The following CELF4 variants were observed in gnomAD, a reference collection of about 807,000 sequenced individuals.
CELF4 encodes CUGBP Elav-like family member 4.
A neutral mutation model predicts 59.9 loss-of-function variants in CELF4; 18 were observed. The observed-to-expected ratio is 0.30, with a 90% confidence interval of 0.21 to 0.45. CELF4 has a LOEUF of 0.45. CELF4 is among the 20% of genes least tolerant of loss of function. The probability of loss-of-function intolerance (pLI) is 1.00; values close to 1 mark genes in which losing one functional copy is unlikely to be tolerated. For missense variants in CELF4, 456 were observed against 689.0 expected (o/e 0.66, Z 3.79); for synonymous variants, 261 against 267.1 (o/e 0.98, Z 0.22).
intron 12 of CELF4, among the ~76,000 whole-genome samples, chr18:37,252,322 G>A (rs1397597093): frequency 1.3e-5 from 2 of 152,066 alleles, no homozygotes; most frequent in South Asian, 2.1e-4. Context: ...ATCAACTGCT[G>A]TGACACTGGA....
In CELF4 at chr18:37,485,531, C is replaced by A. The variant is rs574607659; in HGVS notation, c.363G>T (p.Leu121=). Reference sequence around the variant, plus strand: ...CACGGCGGGCGCCACTTACCCCGGGCAGAGTCTTCTGCTCGTGCAGCGCGC... The same window carrying A: ...CACGGCGGGCGCCACTTACCCCGGGAAGAGTCTTCTGCTCGTGCAGCGCGC... ...AQSALHEQKT[L]PGMNRPIQVK... Residue 121 remains leucine, a synonymous_variant, in exon 2 of 13, where the codon CTG becomes CTT. Transcript: ENST00000420428. 1.1e-4 allele frequency: 147 copies of A among 1,391,136 alleles called. No individual in the cohort carries two copies. In the African/African-American group the frequency reaches 1.7e-3, roughly 16 times the overall value. The allele number at this position is 1,391,136 out of a possible 1,614,324, so 86.2% of individuals were successfully genotyped here.
chr18:37,397,044 C>T (rs1213069248), intron 2 of CELF4, among the ~76,000 whole-genome samples: 1 of 152,120 alleles, frequency 6.6e-6, no homozygotes, highest in African/African-American at 2.4e-5. Flanking sequence ...CACTGGGCCT[C>T]CAGAGCCCAG....
intron 2 of CELF4, among the ~76,000 whole-genome samples, chr18:37,429,308 C>A (rs2099633587): frequency 6.6e-6 from 1 of 151,194 alleles, no homozygotes. Flanking sequence ...ATGTGTAAGT[C>A]TGTGTGTGTG....
At chr18:37,285,866 C>T (rs2094696744) in intron 3 of CELF4, among the ~76,000 whole-genome samples, 1 of 152,174 alleles carries the variant, frequency 6.6e-6, no homozygotes, top group South Asian at 2.1e-4. Flanking sequence ...AGGCGCACGG[C>T]ACACGATAGA....
At chr18:37,341,518 G>A (rs1456995490) in intron 2 of CELF4, among the ~76,000 whole-genome samples, 1 of 152,248 alleles carries the variant, frequency 6.6e-6, no homozygotes, top group East Asian at 1.9e-4. Context: ...GGCAGTGAGT[G>A]GAGGGCATAA....
chr18:37,423,744 G>T (rs972503876), intron 2 of CELF4, among the ~76,000 whole-genome samples: 1 of 152,004 alleles, frequency 6.6e-6, no homozygotes. Flanking sequence ...GCCTCCCTAG[G>T]CTCCCTCTCC....
Position 37,292,543 on chromosome 18 carries a change from G to A in CELF4, c.449-17300C>T, listed in dbSNP as rs915932153. Among the ~76,000 whole-genome samples the A allele has an allele frequency of 2.6e-5, 4 of 152,298 alleles. 1 individual carries two copies. The highest frequency in any genetic ancestry group is 4.2e-4 in the South Asian group (2 of 4,818). ...CTGCCTGGCTTTTCTCCCTGACACC[G>A]GAAGTGACGCGGGCAGGCCAGGTAC... is the stretch of plus-strand genomic sequence containing the variant. On this transcript the variant is annotated intron_variant, in intron 3 of 12. Coordinates refer to ENST00000420428, the MANE Select transcript of CELF4 (RefSeq NM_020180.4).
In CELF4 at chr18:37,383,492, C is replaced by T. The variant is rs2099065390; in HGVS notation, c.370-61611G>A. 3.3e-5 allele frequency among the ~76,000 whole-genome samples: 5 copies of T among 152,222 alleles called. No individual in the cohort carries two copies. In the South Asian group the frequency reaches 1.0e-3, roughly 32 times the overall value. On this transcript the variant is annotated intron_variant, in intron 2 of 12. Transcript: ENST00000420428. ...AAATGAAAGTTTAAAAGTTTTGATG[C>T]TTGAAGGAGGCAATCCTCAGCCAGC...
chr18:37,505,050 G>A (rs1191609466), intron 1 of CELF4, among the ~76,000 whole-genome samples: 1 of 151,904 alleles, frequency 6.6e-6, no homozygotes, highest in African/African-American at 2.4e-5. Flanking sequence ...CTGAGACTGA[G>A]AAAGGCAGGA....
chr18:37,248,573 C>T (rs2063492069), intron 12 of CELF4, among the ~76,000 whole-genome samples: 1 of 152,156 alleles, frequency 6.6e-6, no homozygotes, highest in Non-Finnish European at 1.5e-5. Flanking sequence ...TCTTTTCCCA[C>T]CCTCTCACCC....
chr18:37,293,945 C>A (rs1420095567), intron 3 of CELF4, among the ~76,000 whole-genome samples: 1 of 152,150 alleles, frequency 6.6e-6, no homozygotes, highest in Non-Finnish European at 1.5e-5. Flanking sequence ...CTAAAACCAA[C>A]CAACTAGCAA....
At chr18:37,397,696 G>T (rs1864096056) in intron 2 of CELF4, among the ~76,000 whole-genome samples, 1 of 152,214 alleles carries the variant, frequency 6.6e-6, no homozygotes, top group Non-Finnish European at 1.5e-5. Flanking sequence ...CTGGCTTATG[G>T]CACACTGTAT....
At position 37,565,548 on chromosome 18, in the gene CELF4, G is replaced by A; in HGVS notation, c.94C>T (p.His32Tyr). ...GGGCTGTGGCTTAATCCGTTCATGT[G>A]CCCGGCACTGCCCGGGCTGCTGCCG... ...GLGSSPGSAG[H>Y]MNGLSHSPGN... Residue 32 changes from histidine (H) to tyrosine (Y), a missense_variant, in exon 1 of 13, where the codon CAC (histidine) becomes TAC (tyrosine). His to Tyr is a moderately conservative substitution (Grantham distance 83). This residue lies in a region of CELF4 where 70 missense variants were observed against 69.5 expected (regional missense o/e 1.01). Coordinates refer to ENST00000420428, the MANE Select transcript of CELF4 (RefSeq NM_020180.4). 1 of 1,614,196 alleles carries A rather than the reference G, an allele frequency of 6.2e-7. No homozygotes were observed. Among genetic ancestry groups the A allele is most frequent in the Non-Finnish European group, 8.5e-7 (1 of 1,180,028 alleles).
chr18:37,446,417 G>A (rs751927798), intron 2 of CELF4, among the ~76,000 whole-genome samples: 1 of 152,082 alleles, frequency 6.6e-6, no homozygotes, highest in Non-Finnish European at 1.5e-5. Flanking sequence ...CCTGTGTGAG[G>A]GAGGGCAGGA....
intron 2 of CELF4, among the ~76,000 whole-genome samples, chr18:37,343,758 A>G (rs558135256): frequency 6.6e-6 from 1 of 152,108 alleles, no homozygotes; most frequent in South Asian, 2.1e-4. Flanking sequence ...GTGCCCTGCG[A>G]ACCTTGGCTC....
intron 1 of CELF4, among the ~76,000 whole-genome samples, chr18:37,534,135 G>A (rs960832680): frequency 8.5e-5 from 13 of 152,272 alleles, no homozygotes; most frequent in African/African-American, 2.4e-4. Context: ...GGCGTTTCCC[G>A]TATTCACATA....
intron 2 of CELF4, among the ~76,000 whole-genome samples, chr18:37,468,376 T>C (rs1015893846): frequency 7.9e-5 from 12 of 152,050 alleles, no homozygotes; most frequent in Non-Finnish European, 1.0e-4. Flanking sequence ...CAGAAGAAGG[T>C]TGGGGCAGCT....
chr18:37,405,174 G>A lies in CELF4; in HGVS notation c.369+80351C>T, dbSNP rs766736938. ...CATGTTTTCCAGACACTTCTTCCAC[G>A]TTGTCATCCTGTCATTTTCACTAAC... On this transcript the variant is annotated intron_variant, in intron 2 of 12. Coordinates refer to ENST00000420428, the MANE Select transcript of CELF4 (RefSeq NM_020180.4). Among the ~76,000 whole-genome samples, 18 of 151,998 alleles carry A rather than the reference G, an allele frequency of 1.2e-4. No homozygotes were observed. The South Asian group carries it at 1.5e-3, about 12-fold the overall frequency.
rs542001720 is a variant in CELF4, at chr18:37,310,341, C to T, written c.448+11462G>A. Among the ~76,000 whole-genome samples, 8 of 152,254 alleles carry T rather than the reference C, an allele frequency of 5.3e-5. No individual in the cohort carries two copies. The East Asian group carries it at 7.7e-4, about 15-fold the overall frequency. On this transcript the variant is annotated intron_variant, in intron 3 of 12. Transcript: ENST00000420428. ...CTCTATCCAGTTCAGCAGGCCTAGA[C>T]GACTGCTTCCAAAACTCCATTTCTA...
Sources: gnomAD v4.1 joint callset for allele counts (sites outside exome capture counted in the v4.1 genomes callset) on GRCh38, gnomAD v4.1.1 for gene constraint, gnomAD v4.1.1 regional missense constraint, MANE v1.5 for transcripts, NCBI Gene and HGNC (gene_info 2026-07-23, HGNC 2026-07-21) for gene names.